The following PTPRM variants were observed in gnomAD, a reference collection of about 807,000 sequenced individuals.
PTPRM encodes the protein receptor-type tyrosine-protein phosphatase mu.
A neutral mutation model predicts 186.7 loss-of-function variants in PTPRM; 47 were observed. That is an observed-to-expected ratio of 0.25 (90% confidence interval 0.20 to 0.32). PTPRM has a LOEUF of 0.32. Among genes scored for constraint, PTPRM ranks in the 10% least tolerant of loss-of-function variants. The pLI is 1.00. For synonymous variants in PTPRM, 668 were observed against 674.9 expected, an observed-to-expected ratio of 0.99 and a Z score of 0.16; for missense variants, 1,494 against 1,865.0, an observed-to-expected ratio of 0.80 and a Z score of 3.66.
At chr18:8,314,351 C>A (rs1393721966) in intron 20 of PTPRM, among the ~76,000 whole-genome samples, 1 of 152,186 alleles carries the variant, frequency 6.6e-6, no homozygotes, top group African/African-American at 2.4e-5. Flanking sequence ...GCTAGGATCA[C>A]ATCTGCACAT....
intron 14 of PTPRM, among the ~76,000 whole-genome samples, chr18:8,174,841 C>A (rs1458889495): frequency 2.0e-5 from 3 of 152,172 alleles, no homozygotes; most frequent in Non-Finnish European, 4.4e-5. Flanking sequence ...ACAAGTAGAG[C>A]CTTAAAAGAA....
chr18:8,047,462 G>C (rs983338093), intron 7 of PTPRM, among the ~76,000 whole-genome samples: 4 of 152,106 alleles, frequency 2.6e-5, no homozygotes, highest in African/African-American at 9.7e-5. Context: ...TACAAAAATA[G>C]CAAATTTTGA....
At chr18:8,086,336 C>A (rs999714080) in intron 10 of PTPRM, among the ~76,000 whole-genome samples, 1 of 152,068 alleles carries the variant, frequency 6.6e-6, no homozygotes, top group Non-Finnish European at 1.5e-5. Flanking sequence ...CATGAGGGTA[C>A]CAGGAACTGA....
intron 1 of PTPRM, among the ~76,000 whole-genome samples, chr18:7,733,878 G>A (rs531376997): frequency 6.6e-6 from 1 of 152,290 alleles, no homozygotes; most frequent in African/African-American, 2.4e-5. Flanking sequence ...AGCCCCCTGG[G>A]CAGGTTCTCT....
At chr18:7,631,549 T>C (rs544822869) in intron 1 of PTPRM, among the ~76,000 whole-genome samples, 1 of 152,150 alleles carries the variant, frequency 6.6e-6, no homozygotes, top group South Asian at 2.1e-4. Context: ...GATAGATAAT[T>C]GTCTAGAGCA....
At chr18:7,779,910 TTCGTCTGATAAGA>T (rs1164469274) in intron 2 of PTPRM, among the ~76,000 whole-genome samples, 1 of 152,210 alleles carries the variant, frequency 6.6e-6, no homozygotes, top group Non-Finnish European at 1.5e-5. Context: ...CCTTAAATTC[TTCGTCTGATAAGA>T]TCGTTCCTGG....
At chr18:8,083,550 A>C (rs983370773) in intron 9 of PTPRM, among the ~76,000 whole-genome samples, 1 of 152,034 alleles carries the variant, frequency 6.6e-6, no homozygotes, top group African/African-American at 2.4e-5. Flanking sequence ...TCCTTATTTT[A>C]GCACCCTATT....
At chr18:7,618,592 A>AC (rs2037862477) in intron 1 of PTPRM, among the ~76,000 whole-genome samples, 1 of 152,240 alleles carries the variant, frequency 6.6e-6, no homozygotes, top group South Asian at 2.1e-4. Flanking sequence ...CTGTTTGCCC[A>AC]CATCTACTAT....
intron 2 of PTPRM, among the ~76,000 whole-genome samples, chr18:7,826,922 C>T (rs114859591): frequency 0.023 from 3,545 of 151,992 alleles, 144 homozygotes; most frequent in African/African-American, 0.081. Flanking sequence ...GGTTATATCC[C>T]GTCTCTACAG....
chr18:8,004,005 C>T (rs910770293), intron 7 of PTPRM, among the ~76,000 whole-genome samples: 7 of 152,134 alleles, frequency 4.6e-5, no homozygotes, highest in Non-Finnish European at 1.0e-4. Flanking sequence ...TCTGATGGCC[C>T]AGTGTTGACT....
At chr18:7,660,038 G>A (rs1448694446) in intron 1 of PTPRM, among the ~76,000 whole-genome samples, 1 of 152,120 alleles carries the variant, frequency 6.6e-6, no homozygotes, top group African/African-American at 2.4e-5. Flanking sequence ...AAGGAAAGAT[G>A]ACCATAATGT....
At chr18:7,909,194 C>T (rs2050143207) in intron 4 of PTPRM, among the ~76,000 whole-genome samples, 1 of 152,196 alleles carries the variant, frequency 6.6e-6, no homozygotes, top group South Asian at 2.1e-4. Context: ...GCAGCAAAGA[C>T]CTAAAGACTT....
intron 1 of PTPRM, among the ~76,000 whole-genome samples, chr18:7,596,628 A>T (rs2037268346): frequency 6.6e-6 from 1 of 152,156 alleles, no homozygotes; most frequent in African/African-American, 2.4e-5. Flanking sequence ...CATGGTATAT[A>T]TAGGGTTTGG....
intron 1 of PTPRM, among the ~76,000 whole-genome samples, chr18:7,580,571 A>G (rs2036816785): frequency 6.6e-6 from 1 of 152,178 alleles, no homozygotes; most frequent in Admixed American, 6.5e-5. Flanking sequence ...GGGGCTTAGC[A>G]TTGATAGTCA....
chr18:8,349,600 AT>A (rs3837904), intron 23 of PTPRM, among the ~76,000 whole-genome samples: 4,167 of 152,270 alleles, frequency 0.027, 196 homozygotes, highest in African/African-American at 0.093. Context: ...ACCCCTGGGC[AT>A]TTAACTGCTC....
chr18:7,898,126 T>A (rs1288011039), intron 3 of PTPRM, among the ~76,000 whole-genome samples: 1 of 152,244 alleles, frequency 6.6e-6, no homozygotes. Context: ...CTGGACTCTT[T>A]AATATTAAAG....
At chr18:7,722,850 C>T (rs2040474685) in intron 1 of PTPRM, among the ~76,000 whole-genome samples, 1 of 152,122 alleles carries the variant, frequency 6.6e-6, no homozygotes, top group South Asian at 2.1e-4. Context: ...TAAATCGGTA[C>T]GCAAATGGCT....
At chr18:7,613,444 G>A (rs1190397272) in intron 1 of PTPRM, among the ~76,000 whole-genome samples, 2 of 152,296 alleles carry the variant, frequency 1.3e-5, no homozygotes, top group South Asian at 4.1e-4. Flanking sequence ...GGAGGCCTAG[G>A]CAGATGGATC....
intron 14 of PTPRM, among the ~76,000 whole-genome samples, chr18:8,206,088 G>T (rs1242128180): frequency 6.6e-6 from 1 of 152,074 alleles, no homozygotes. Flanking sequence ...AGCGAAAAGA[G>T]AGGTTACTAT....
Sources: allele counts gnomAD v4.1 joint callset (sites outside exome capture counted in the v4.1 genomes callset), GRCh38; gene constraint gnomAD v4.1.1; transcripts MANE v1.5; gene names NCBI Gene and HGNC (gene_info 2026-07-23, HGNC 2026-07-21).